ANKS1B: variants seen among roughly 807,000 people sequenced by gnomAD.
ANKS1B encodes ankyrin repeat and sterile alpha motif domain-containing protein 1B.
ANKS1B carries 36 observed loss-of-function variants against 148.3 expected under a neutral mutation model. The ratio of observed to expected loss-of-function variants is 0.24; its 90% confidence interval spans 0.19 to 0.32. The LOEUF is 0.32. ANKS1B is among the 10% of genes least tolerant of loss of function. ANKS1B has a pLI of 1.00. For missense variants in ANKS1B, 1,157 were observed against 1,542.6 expected, an observed-to-expected ratio of 0.75 and a Z score of 4.19; for synonymous variants, 542 against 560.8, an observed-to-expected ratio of 0.97 and a Z score of 0.47.
At chr12:99,785,197 CT>C (rs11313851) in intron 4 of ANKS1B, among the ~76,000 whole-genome samples, 19,964 of 137,172 alleles carry the variant, frequency 0.15, 1,468 homozygotes, top group South Asian at 0.2. Flanking sequence ...TTAGTTGTCT[CT>C]TTTTTTTTTT....
chr12:98,859,138 G>C (rs1260808520), intron 17 of ANKS1B, among the ~76,000 whole-genome samples: 5 of 152,184 alleles, frequency 3.3e-5, no homozygotes, highest in South Asian at 2.1e-4. Flanking sequence ...CAAGTGCTGG[G>C]TTCCAGAAGA....
chr12:98,968,149 G>A (rs1437440995), intron 17 of ANKS1B, among the ~76,000 whole-genome samples: 1 of 152,078 alleles, frequency 6.6e-6, no homozygotes, highest in Non-Finnish European at 1.5e-5. Context: ...AGTATCTCTG[G>A]GGCTGGGATC....
chr12:99,433,258 A>G (rs1225059186), intron 11 of ANKS1B, among the ~76,000 whole-genome samples: 1 of 152,172 alleles, frequency 6.6e-6, no homozygotes, highest in Non-Finnish European at 1.5e-5. Context: ...CATATCTGTT[A>G]ATATTTATAT....
intron 9 of ANKS1B, chr12:99,648,298 T>C (rs778302965): frequency 1.1e-5 from 17 of 1,614,176 alleles, no homozygotes; most frequent in Non-Finnish European, 1.4e-5. Flanking sequence ...TATATTCAGG[T>C]ATGCACCCAT....
chr12:99,784,506 C>A (rs1057036111), intron 4 of ANKS1B, among the ~76,000 whole-genome samples: 1 of 152,032 alleles, frequency 6.6e-6, no homozygotes, highest in Admixed American at 6.6e-5. Flanking sequence ...ATATTGCTTT[C>A]TTCCACAGGG....
chr12:99,935,489 A>C (rs2094741594), intron 1 of ANKS1B, among the ~76,000 whole-genome samples: 1 of 152,090 alleles, frequency 6.6e-6, no homozygotes, highest in African/African-American at 2.4e-5. Flanking sequence ...CAAAATGTCC[A>C]CCAAGACTAT....
At chr12:99,943,134 G>A (rs1387775906) in intron 1 of ANKS1B, among the ~76,000 whole-genome samples, 1 of 152,162 alleles carries the variant, frequency 6.6e-6, no homozygotes, top group Admixed American at 6.5e-5. Context: ...ATTGAGCTGA[G>A]AGAATTATGG....
intron 9 of ANKS1B, among the ~76,000 whole-genome samples, chr12:99,619,396 C>G (rs563923259): frequency 3.9e-5 from 6 of 152,168 alleles, no homozygotes; most frequent in Admixed American, 2.6e-4. Context: ...CACCGATTCA[C>G]ATGAAACAGC....
At chr12:99,336,846 G>A (rs67224933) in intron 12 of ANKS1B, among the ~76,000 whole-genome samples, 22,366 of 150,312 alleles carry the variant, frequency 0.15, 1,930 homozygotes, top group African/African-American at 0.24. Flanking sequence ...TGGCCTATAA[G>A]GGTCTCCACT....
intron 10 of ANKS1B, among the ~76,000 whole-genome samples, chr12:99,463,136 C>T (rs901494855): frequency 7.9e-5 from 12 of 152,180 alleles, no homozygotes; most frequent in African/African-American, 2.9e-4. Flanking sequence ...GGACTAAAAA[C>T]TACCAACAGG....
At chr12:99,004,071 G>T (rs556785913) in intron 17 of ANKS1B, among the ~76,000 whole-genome samples, 1 of 152,266 alleles carries the variant, frequency 6.6e-6, no homozygotes, top group South Asian at 2.1e-4. Flanking sequence ...AAACGTGGAT[G>T]TGATGCTTGG....
chr12:99,778,189 G>A lies in ANKS1B; in HGVS notation c.847+1682C>T, dbSNP rs150438591. 6.7e-5 allele frequency among the ~76,000 whole-genome samples: 10 copies of A among 149,802 alleles called. No individual in the cohort carries two copies. In the East Asian group the frequency reaches 2.0e-3, roughly 31 times the overall value. On this transcript the variant is annotated intron_variant, in intron 6 of 26. Transcript: ENST00000683438. ...CACTCCAGCCTGGGTGACAGAGTGA[G>A]ACTCCCTCTCAAAAAGAAAAAAAAA...
intron 10 of ANKS1B, among the ~76,000 whole-genome samples, chr12:99,463,513 G>A (rs571783152): frequency 2.9e-4 from 44 of 152,306 alleles, no homozygotes; most frequent in African/African-American, 1.1e-3. Flanking sequence ...AAGTGCAAGG[G>A]GGCAGGGAGT....
intron 9 of ANKS1B, among the ~76,000 whole-genome samples, chr12:99,543,698 C>A (rs1416839085): frequency 2.6e-5 from 4 of 151,962 alleles, no homozygotes; most frequent in Non-Finnish European, 5.9e-5. Context: ...GTGATACATT[C>A]TACAACATAA....
intron 12 of ANKS1B, among the ~76,000 whole-genome samples, chr12:99,280,210 G>C (rs1290329976): frequency 6.6e-6 from 1 of 151,790 alleles, no homozygotes; most frequent in Non-Finnish European, 1.5e-5. Flanking sequence ...GTGTGAGAGA[G>C]AGAGAGAAAG....
chr12:99,083,509 ACT>A (rs1235181256), intron 16 of ANKS1B, among the ~76,000 whole-genome samples: 1 of 152,106 alleles, frequency 6.6e-6, no homozygotes, highest in Non-Finnish European at 1.5e-5. Flanking sequence ...CCTGACACAC[ACT>A]GACCCAACCT....
At chr12:99,379,740 A>C (rs1349133201) in intron 12 of ANKS1B, among the ~76,000 whole-genome samples, 1 of 152,236 alleles carries the variant, frequency 6.6e-6, no homozygotes, top group Admixed American at 6.5e-5. Flanking sequence ...TAAGTTGTGA[A>C]TCCTAGTGTC....
At chr12:99,739,071 A>G (rs939380586) in intron 8 of ANKS1B, among the ~76,000 whole-genome samples, 1 of 151,980 alleles carries the variant, frequency 6.6e-6, no homozygotes, top group Non-Finnish European at 1.5e-5. Context: ...CAGGGAGGGT[A>G]TTCACATACA....
intron 10 of ANKS1B, among the ~76,000 whole-genome samples, chr12:99,496,928 C>T (rs1168946209): frequency 6.6e-6 from 1 of 152,130 alleles, no homozygotes; most frequent in Non-Finnish European, 1.5e-5. Context: ...GTGTGCTGTA[C>T]TGTGGCCCAA....
Sources: gnomAD v4.1 joint callset for allele counts (sites outside exome capture counted in the v4.1 genomes callset) on GRCh38, gnomAD v4.1.1 for gene constraint, MANE v1.5 for transcripts, NCBI Gene and HGNC (gene_info 2026-07-23, HGNC 2026-07-21) for gene names.